DNER: variants seen among roughly 807,000 people sequenced by gnomAD.
DNER encodes delta and Notch-like epidermal growth factor-related receptor.
DNER carries 33 observed loss-of-function variants against 78.2 expected under a neutral mutation model. That is an observed-to-expected ratio of 0.42 (90% CI 0.32 to 0.56). The LOEUF (loss-of-function observed/expected upper bound fraction) is 0.56, where lower values mean the gene tolerates loss of function less well. Among genes scored for constraint, DNER ranks in the 20% least tolerant of loss-of-function variants. The pLI is 0.11. For synonymous variants in DNER, 417 were observed against 384.8 expected (o/e 1.08, Z -0.98); for missense variants, 918 against 975.3 (o/e 0.94, Z 0.78).
intron 6 of DNER, among the ~76,000 whole-genome samples, chr2:229,496,300 C>T (rs1378337657): frequency 7.2e-5 from 11 of 152,124 alleles, no homozygotes; most frequent in Admixed American, 2.0e-4. Flanking sequence ...TGATCAAAAT[C>T]TATAGTCCAT....
At chr2:229,431,164 A>G (rs1693995765) in intron 8 of DNER, among the ~76,000 whole-genome samples, 1 of 152,232 alleles carries the variant, frequency 6.6e-6, no homozygotes, top group South Asian at 2.1e-4. Flanking sequence ...TCTTAAATAT[A>G]CAGTAAAAAC....
chr2:229,407,381 A>G, intron 9 of DNER, 36 bp from the exon 10 acceptor site: 1 of 1,588,166 alleles, frequency 6.3e-7, no homozygotes, highest in Non-Finnish European at 8.6e-7. Flanking sequence ...TGACTCATCC[A>G]GGACTCTCTG....
At chr2:229,497,340 T>A (rs1389266842) in intron 6 of DNER, among the ~76,000 whole-genome samples, 1 of 150,514 alleles carries the variant, frequency 6.6e-6, no homozygotes, top group African/African-American at 2.4e-5. Flanking sequence ...AATAACTACA[T>A]CAAAAAAGAA....
intron 10 of DNER, among the ~76,000 whole-genome samples, chr2:229,405,120 TAG>T (rs1693353390): frequency 6.6e-6 from 1 of 152,140 alleles, no homozygotes; most frequent in Admixed American, 6.5e-5. Context: ...AGGATATGAA[TAG>T]AGAGTTCATA....
chr2:229,514,054 T>C (rs2154212345), intron 5 of DNER, among the ~76,000 whole-genome samples: 1 of 152,294 alleles, frequency 6.6e-6, no homozygotes, highest in Non-Finnish European at 1.5e-5. Context: ...TTCTCTTTAG[T>C]ACATTTTTGT....
chr2:229,654,109 C>T (rs1698869808), intron 1 of DNER, among the ~76,000 whole-genome samples: 1 of 151,284 alleles, frequency 6.6e-6, no homozygotes, highest in South Asian at 2.1e-4. Flanking sequence ...TAATGCTATC[C>T]CCCACTCCCC....
At chr2:229,640,564 T>C (rs992387095) in intron 1 of DNER, among the ~76,000 whole-genome samples, 1 of 152,064 alleles carries the variant, frequency 6.6e-6, no homozygotes, top group African/African-American at 2.4e-5. Context: ...CAAATCAGTT[T>C]AGCTTTACTC....
At chr2:229,424,826 C>T (rs977486970) in intron 8 of DNER, among the ~76,000 whole-genome samples, 7 of 152,072 alleles carry the variant, frequency 4.6e-5, no homozygotes, top group African/African-American at 1.4e-4. Context: ...ATCATAATCG[C>T]GGGGAGCTTC....
chr2:229,547,238 A>G lies in DNER; in HGVS notation c.848-146T>C, dbSNP rs570673051. 1.7e-5 allele frequency: 20 copies of G among 1,144,546 alleles called. No homozygotes were observed. In the Admixed American group the frequency reaches 4.2e-4, roughly 24 times the overall value. 70.9% of individuals were successfully genotyped at this position (1,144,546 alleles called of 1,614,324 possible). The stretch of plus-strand genomic sequence containing the variant: ...CTGACAAAACAAAATGCAGTGAGGC[A>G]AGGGAATAAAGCACATGGCCACCAT... On this transcript the variant is annotated intron_variant, in intron 4 of 12. Coordinates refer to ENST00000341772, the MANE Select transcript of DNER (RefSeq NM_139072.4).
intron 11 of DNER, among the ~76,000 whole-genome samples, chr2:229,367,532 C>T (rs868817569): frequency 1.1e-4 from 16 of 151,972 alleles, no homozygotes; most frequent in Admixed American, 5.9e-4. Flanking sequence ...ACTCGGGAGG[C>T]GGAGGTTGCA....
intron 6 of DNER, among the ~76,000 whole-genome samples, chr2:229,512,051 G>A (rs1159604264): frequency 6.6e-6 from 1 of 152,098 alleles, no homozygotes; most frequent in African/African-American, 2.4e-5. Flanking sequence ...AAGAAACTGT[G>A]GTATATATAT....
At chr2:229,695,499 C>G (rs1282120901) in intron 1 of DNER, among the ~76,000 whole-genome samples, 2 of 152,142 alleles carry the variant, frequency 1.3e-5, no homozygotes, top group African/African-American at 4.8e-5. Flanking sequence ...CTGGTGGAGA[C>G]AGCCCTGGGT....
At chr2:229,359,671 CAA>C (rs1692168099) in intron 12 of DNER, among the ~76,000 whole-genome samples, 2 of 152,136 alleles carry the variant, frequency 1.3e-5, no homozygotes, top group African/African-American at 4.8e-5. Flanking sequence ...GCTCCTGTCC[CAA>C]CTCTCCTCTT....
chr2:229,680,188 A>G (rs1699362530), intron 1 of DNER, among the ~76,000 whole-genome samples: 1 of 150,062 alleles, frequency 6.7e-6, no homozygotes, highest in South Asian at 2.2e-4. Context: ...ATGGTACAAA[A>G]CTCATTCATC....
intron 4 of DNER, among the ~76,000 whole-genome samples, chr2:229,580,705 G>A (rs1363870859): frequency 1.3e-5 from 2 of 152,136 alleles, no homozygotes; most frequent in Non-Finnish European, 2.9e-5. Context: ...AAGTGTGCAG[G>A]AAAAAATCGG....
At chr2:229,700,491 A>G (rs1416353371) in intron 1 of DNER, among the ~76,000 whole-genome samples, 1 of 151,930 alleles carries the variant, frequency 6.6e-6, no homozygotes, top group Non-Finnish European at 1.5e-5. Context: ...GTGTGCTACC[A>G]CACTCAGCTA....
At chr2:229,560,993 G>A (rs1332095995) in intron 4 of DNER, among the ~76,000 whole-genome samples, 1 of 152,140 alleles carries the variant, frequency 6.6e-6, no homozygotes, top group East Asian at 1.9e-4. Context: ...AGGATTTCAT[G>A]TAGAGTATTC....
chr2:229,594,543 C>T (rs1190538961), intron 1 of DNER, among the ~76,000 whole-genome samples: 1 of 151,848 alleles, frequency 6.6e-6, no homozygotes, highest in African/African-American at 2.4e-5. Flanking sequence ...GCCAAGATTG[C>T]ACCACTACAC....
At chr2:229,407,398 A>G (rs1313649131) in intron 9 of DNER, 53 bp from the exon 10 acceptor site, 5 of 1,542,786 alleles carry the variant, frequency 3.2e-6, no homozygotes, top group East Asian at 2.3e-5. Context: ...TCTGGCTCCC[A>G]TGGCCTCTGA....
Sources: gnomAD v4.1 joint callset for allele counts (sites outside exome capture counted in the v4.1 genomes callset) on GRCh38, gnomAD v4.1.1 for gene constraint, MANE v1.5 for transcripts, NCBI Gene and HGNC (gene_info 2026-07-23, HGNC 2026-07-21) for gene names.